Variants in SH3D19 observed in about 807,000 individuals in gnomAD.
The protein encoded by SH3D19 is SH3 domain containing 19.
A neutral mutation model predicts 112.1 loss-of-function variants in SH3D19; 58 were observed. The ratio of observed to expected loss-of-function variants is 0.52; its 90% CI spans 0.42 to 0.64. SH3D19 has a LOEUF of 0.64. SH3D19 is among the 30% of genes least tolerant of loss of function. SH3D19 has a pLI of 0.00. For synonymous variants in SH3D19, 391 were observed against 448.5 expected, an observed-to-expected ratio of 0.87 and a Z score of 1.62; for missense variants, 1,090 against 1,263.4, an observed-to-expected ratio of 0.86 and a Z score of 2.08.
At chr4:151,162,391 A>T (rs1221995174) in intron 8 of SH3D19, among the ~76,000 whole-genome samples, 1 of 152,074 alleles carries the variant, frequency 6.6e-6, no homozygotes, top group Admixed American at 6.6e-5. Context: ...GGGTTTCACC[A>T]TGTTGGCCAG....
chr4:151,141,551 G>A (rs1752991552), intron 12 of SH3D19, among the ~76,000 whole-genome samples: 1 of 152,206 alleles, frequency 6.6e-6, no homozygotes, highest in Admixed American at 6.5e-5. Flanking sequence ...ATGCAGAGGT[G>A]TGAGGATCTC....
intron 1 of SH3D19, among the ~76,000 whole-genome samples, chr4:151,260,529 C>T (rs1418408588): frequency 6.6e-6 from 1 of 152,188 alleles, no homozygotes; most frequent in Non-Finnish European, 1.5e-5. Context: ...TACTTTGACT[C>T]TAACATAGCT....
chr4:151,187,565 A>C (rs1761992339), intron 2 of SH3D19, 102 bp from the exon 3 acceptor site: 14 of 595,148 alleles, frequency 2.4e-5, no homozygotes, highest in Non-Finnish European at 3.2e-5. Flanking sequence ...GTGCTAAGCC[A>C]CAAGTTTGAT....
chr4:151,219,963 C>A (rs556324286), intron 2 of SH3D19, among the ~76,000 whole-genome samples: 1 of 152,236 alleles, frequency 6.6e-6, no homozygotes, highest in Non-Finnish European at 1.5e-5. Context: ...TAAGATAAAT[C>A]AAATTCCGTG....
chr4:151,209,115 G>C (rs1393986781), intron 2 of SH3D19, among the ~76,000 whole-genome samples: 2 of 151,964 alleles, frequency 1.3e-5, no homozygotes, highest in East Asian at 3.9e-4. Flanking sequence ...GGAAACTGAG[G>C]TAAAGAAAGA....
At chr4:151,277,291 A>T in intron 1 of SH3D19, 4 of 1,261,252 alleles carry the variant, frequency 3.2e-6, no homozygotes, top group South Asian at 1.9e-5. Context: ...CATCACATAG[A>T]ACAATGTGAC....
chr4:151,310,905 T>C (rs1351776240), intron 1 of SH3D19, among the ~76,000 whole-genome samples: 1 of 151,368 alleles, frequency 6.6e-6, no homozygotes, highest in Non-Finnish European at 1.5e-5. Context: ...ATATCTGCAC[T>C]CCCATGTTCA....
Position 151,155,266 on chromosome 4 carries a change from C to T in SH3D19, c.1755+3974G>A, listed in dbSNP as rs141788458. On this transcript the variant is annotated intron_variant, in intron 9 of 19. Coordinates refer to ENST00000604030, the MANE Select transcript of SH3D19 (RefSeq NM_001378122.1). ...CAGTTTAACGTTAGTAAGGTAGGAA[C>T]CCTACTATCCTCTTTTGGGCTTTCT... Among the ~76,000 whole-genome samples, 691 of 152,292 alleles carry T rather than the reference C, an allele frequency of 4.5e-3. 4 individuals carry two copies. The highest frequency in any genetic ancestry group is 0.027 in the Middle Eastern group (8 of 294).
At chr4:151,178,088 A>T (rs908605064) in intron 4 of SH3D19, among the ~76,000 whole-genome samples, 7 of 152,222 alleles carry the variant, frequency 4.6e-5, no homozygotes, top group East Asian at 3.9e-4. Context: ...GATTTTTAAA[A>T]TTTTTTGTAG....
chr4:151,315,282 A>G (rs1729880472), intron 1 of SH3D19, among the ~76,000 whole-genome samples: 2 of 152,176 alleles, frequency 1.3e-5, no homozygotes, highest in African/African-American at 2.4e-5. Flanking sequence ...AACAACTGGA[A>G]TTGTCTCGGC....
chr4:151,233,031 A>G (rs1045397984), intron 1 of SH3D19, among the ~76,000 whole-genome samples: 3 of 152,134 alleles, frequency 2.0e-5, no homozygotes, highest in Non-Finnish European at 4.4e-5. Flanking sequence ...GCCTACTGTC[A>G]GATAAGCATC....
chr4:151,248,889 T>C (rs1223830414), intron 1 of SH3D19, among the ~76,000 whole-genome samples: 1 of 152,202 alleles, frequency 6.6e-6, no homozygotes, highest in East Asian at 1.9e-4. Flanking sequence ...AGTGAATTTA[T>C]ACTGATTAAT....
At position 151,271,350 on chromosome 4, in the gene SH3D19, T is replaced by C. The variant is rs375652803; in HGVS notation, c.113-45264A>G. ...CATTTGCCCTTTCTGTTAATACAGA[T>C]AAAAAGCTACAAAACTTGCAAATCT... On this transcript the variant is annotated intron_variant, in intron 1 of 19. Coordinates refer to ENST00000604030, the MANE Select transcript of SH3D19 (RefSeq NM_001378122.1). Among the ~76,000 whole-genome samples the C allele has an allele frequency of 4.6e-5, 7 of 152,344 alleles. No individual in the cohort carries two copies. The East Asian group carries it at 1.3e-3, about 29-fold the overall frequency.
At chr4:151,278,237 G>T (rs1773838984) in intron 1 of SH3D19, among the ~76,000 whole-genome samples, 1 of 152,016 alleles carries the variant, frequency 6.6e-6, no homozygotes, top group African/African-American at 2.4e-5. Flanking sequence ...TGGTGACCTT[G>T]AATCAAGTAA....
chr4:151,175,640 G>T lies in SH3D19; in HGVS notation c.564C>A (p.Phe188Leu), dbSNP rs993069261. Residue 188 changes from phenylalanine (F) to leucine (L), a missense_variant, in exon 7 of 20, where the codon TTC becomes TTA. Phe to Leu is a conservative substitution (Grantham distance 22). Coordinates refer to ENST00000604030, the MANE Select transcript of SH3D19 (RefSeq NM_001378122.1). The stretch of plus-strand genomic sequence containing the variant: ...GAAGATTGCCAGACGAGACTGCTGA[G>T]AAAGGCTGAAGAGGCTTGAGAGGTG... ...LQAPLKPLQP[F>L]SAVSSGNLPT... The T allele has an allele frequency of 7.6e-7, 1 of 1,309,074 alleles. No homozygotes were observed. Among genetic ancestry groups the T allele is most frequent in the East Asian group, 2.8e-5 (1 of 35,226 alleles). The allele number at this position is 1,309,074 out of a possible 1,614,324, so 81.1% of individuals were successfully genotyped here. A position where few individuals can be genotyped will look rare whatever the true frequency, so the allele number is the denominator to read the frequency against.
intron 9 of SH3D19, among the ~76,000 whole-genome samples, chr4:151,154,074 G>T (rs1364954499): frequency 6.6e-6 from 1 of 151,210 alleles, no homozygotes; most frequent in Non-Finnish European, 1.5e-5. Context: ...CAATTCTCCT[G>T]CCTCAGCCTC....
intron 1 of SH3D19, among the ~76,000 whole-genome samples, chr4:151,290,272 C>G (rs1775198076): frequency 6.6e-6 from 1 of 152,072 alleles, no homozygotes; most frequent in Non-Finnish European, 1.5e-5. Context: ...AATATAATAG[C>G]CCAAATAATG....
intron 7 of SH3D19, among the ~76,000 whole-genome samples, chr4:151,167,345 G>A (rs1436946815): frequency 6.6e-6 from 1 of 151,626 alleles, no homozygotes; most frequent in Non-Finnish European, 1.5e-5. Flanking sequence ...AGAAATATTT[G>A]TTGTAAAAGT....
intron 8 of SH3D19, among the ~76,000 whole-genome samples, chr4:151,161,623 T>C (rs1400652832): frequency 2.1e-5 from 3 of 142,956 alleles, no homozygotes; most frequent in Admixed American, 7.0e-5. Context: ...TTTATACATA[T>C]ATATATATAT....
Sources: gnomAD v4.1 joint callset for allele counts (sites outside exome capture counted in the v4.1 genomes callset) on GRCh38, gnomAD v4.1.1 for gene constraint, MANE v1.5 for transcripts, NCBI Gene and HGNC (gene_info 2026-07-23, HGNC 2026-07-21) for gene names.